The following GRB10 variants were observed in gnomAD, a reference collection of about 807,000 sequenced individuals.
GRB10 encodes growth factor receptor-bound protein 10.
A neutral mutation model predicts 80.9 loss-of-function variants in GRB10; 20 were observed. The ratio of observed to expected loss-of-function variants is 0.25; its 90% CI spans 0.17 to 0.36. GRB10 has a LOEUF of 0.36. GRB10 is among the 10% of genes least tolerant of loss of function. The pLI, the probability that GRB10 is intolerant of heterozygous loss-of-function variation, is 1.00. For missense variants in GRB10, 548 were observed against 747.7 expected (o/e 0.73, Z 3.12); for synonymous variants, 291 against 291.5 (o/e 1.00, Z 0.02).
At chr7:50,642,812 GT>G (rs2056511353) in intron 7 of GRB10, among the ~76,000 whole-genome samples, 1 of 152,144 alleles carries the variant, frequency 6.6e-6, no homozygotes, top group African/African-American at 2.4e-5. Flanking sequence ...TAAATATAAT[GT>G]GTTCATTGTA....
intron 6 of GRB10, among the ~76,000 whole-genome samples, chr7:50,672,552 C>T (rs1232533414): frequency 6.6e-6 from 1 of 152,164 alleles, no homozygotes; most frequent in Non-Finnish European, 1.5e-5. Flanking sequence ...GCCCAAGGAA[C>T]AGCACCTGTG....
chr7:50,639,127 T>A (rs1436275586), intron 7 of GRB10, among the ~76,000 whole-genome samples: 11 of 152,132 alleles, frequency 7.2e-5, no homozygotes, highest in Admixed American at 7.2e-4. Flanking sequence ...GTTTTAGAAA[T>A]TACCTGTTGG....
intron 5 of GRB10, among the ~76,000 whole-genome samples, chr7:50,686,192 G>T (rs2153653922): frequency 6.6e-6 from 1 of 152,244 alleles, no homozygotes; most frequent in African/African-American, 2.4e-5. Flanking sequence ...GGTCATTGGG[G>T]TAGAACCCAA....
chr7:50,609,563 T>C (rs943769748), intron 13 of GRB10, among the ~76,000 whole-genome samples: 1 of 152,192 alleles, frequency 6.6e-6, no homozygotes, highest in Non-Finnish European at 1.5e-5. Context: ...TAATAAATAA[T>C]TGTTGCAAAG....
intron 10 of GRB10, among the ~76,000 whole-genome samples, chr7:50,616,839 T>G (rs1464565759): frequency 1.3e-5 from 2 of 152,186 alleles, no homozygotes; most frequent in Non-Finnish European, 2.9e-5. Context: ...CAGGCAGCCT[T>G]AAGAATAAAG....
chr7:50,767,263 T>C (rs1163556799), intron 2 of GRB10, among the ~76,000 whole-genome samples: 4 of 152,186 alleles, frequency 2.6e-5, no homozygotes, highest in Non-Finnish European at 5.9e-5. Context: ...AGTACCAGAC[T>C]GCCGGCCCCT....
intron 7 of GRB10, among the ~76,000 whole-genome samples, chr7:50,648,553 T>C (rs1455911641): frequency 1.3e-5 from 2 of 152,200 alleles, no homozygotes; most frequent in African/African-American, 4.8e-5. Flanking sequence ...TCCTCAGTTT[T>C]GCCTTTGGGA....
At chr7:50,770,404 A>T (rs995268256) in intron 2 of GRB10, among the ~76,000 whole-genome samples, 1 of 152,186 alleles carries the variant, frequency 6.6e-6, no homozygotes, top group African/African-American at 2.4e-5. Flanking sequence ...GTGGTTCCCA[A>T]GCATCTATCT....
At chr7:50,681,553 T>C (rs1318254769) in intron 5 of GRB10, among the ~76,000 whole-genome samples, 1 of 152,214 alleles carries the variant, frequency 6.6e-6, no homozygotes, top group East Asian at 1.9e-4. Flanking sequence ...CATATCTCCC[T>C]TGTGGAAGGA....
rs558603553 is a variant in GRB10, at chr7:50,745,670, T to C, written c.-47+10217A>G. 3.9e-5 allele frequency among the ~76,000 whole-genome samples: 6 copies of C among 152,364 alleles called. No individual in the cohort carries two copies. The South Asian group carries it at 1.0e-3, about 26-fold the overall frequency. The stretch of plus-strand genomic sequence containing the variant: ...AGAACTTTATCCGAAAAATAAAAGA[T>C]GCTCTATAAAACAGCCCTTGGATTT... On this transcript the variant is annotated intron_variant, in intron 3 of 18. Coordinates refer to ENST00000401949, the MANE Select transcript of GRB10 (RefSeq NM_001350814.2).
At chr7:50,684,267 C>CAAAAAAAAAAAAAAAAAAA (rs386410128) in intron 5 of GRB10, among the ~76,000 whole-genome samples, 1 of 62,300 alleles carries the variant, frequency 1.6e-5, no homozygotes, top group Non-Finnish European at 2.7e-5. Context: ...CAATCATCAC[C>CAAAAAAAAAAAAAAAAAAA]AAAAAAAAAA....
chr7:50,640,655 A>G (rs1470443986), intron 7 of GRB10, among the ~76,000 whole-genome samples: 2 of 152,238 alleles, frequency 1.3e-5, no homozygotes, highest in Non-Finnish European at 2.9e-5. Flanking sequence ...GAGGAGAGCC[A>G]GCATTCTCTC....
upstream of GRB10, among the ~76,000 whole-genome samples, chr7:50,786,606 T>C (rs1390399961): frequency 6.6e-6 from 1 of 152,250 alleles, no homozygotes; most frequent in Admixed American, 6.5e-5. Flanking sequence ...CTAAATGTTT[T>C]AGGGAAAACT....
Position 50,703,607 on chromosome 7 carries a change from C to T in GRB10, c.139+214G>A, listed in dbSNP as rs79693613. On this transcript the variant is annotated intron_variant, in intron 5 of 18. Coordinates refer to ENST00000401949, the MANE Select transcript of GRB10 (RefSeq NM_001350814.2). ...GTATGAAACTGATCGTGAAGTTTTGCTCACTGAAGTTTGCTAATTGAAAGG... is the reference window on the plus strand; with the variant it reads ...GTATGAAACTGATCGTGAAGTTTTGTTCACTGAAGTTTGCTAATTGAAAGG... 8.5e-3 allele frequency among the ~76,000 whole-genome samples: 1,294 copies of T among 152,284 alleles called. 11 individuals are homozygous for T. Among genetic ancestry groups the T allele is most frequent in the Non-Finnish European group, 0.013 (875 of 68,026 alleles).
rs913280763 is a variant in GRB10, at chr7:50,595,560, A to T, written c.1545-30T>A. The T allele has an allele frequency of 8.3e-6, 10 of 1,199,406 alleles. No homozygotes were observed. In the Admixed American group the frequency reaches 1.2e-4, roughly 14 times the overall value. 74.3% of individuals were successfully genotyped at this position (1,199,406 alleles called of 1,614,324 possible). On this transcript the variant is annotated intron_variant, in intron 17 of 18. Transcript: ENST00000401949. ...GGAAGGGAAAATAGTTGATTGCTAA[A>T]ATATTTTAAAATCTGGAACTAATCA...
chr7:50,756,573 G>A (rs1030601893), intron 2 of GRB10, among the ~76,000 whole-genome samples: 1 of 152,236 alleles, frequency 6.6e-6, no homozygotes, highest in Non-Finnish European at 1.5e-5. Flanking sequence ...GGGGTGCAGA[G>A]CAGGCAGACC....
chr7:50,692,394 G>A (rs1457704431), intron 5 of GRB10, among the ~76,000 whole-genome samples: 1 of 152,092 alleles, frequency 6.6e-6, no homozygotes, highest in Non-Finnish European at 1.5e-5. Context: ...GGACATTAGA[G>A]GAATCATGAC....
chr7:50,617,240 A>C (rs539938762), intron 10 of GRB10, among the ~76,000 whole-genome samples: 11 of 152,242 alleles, frequency 7.2e-5, no homozygotes, highest in Non-Finnish European at 1.5e-4. Context: ...CAGAGCTCTG[A>C]AACTCTTATC....
At position 50,674,619 on chromosome 7, in the gene GRB10, T is replaced by G. The variant is rs868508118; in HGVS notation, c.179A>C (p.Asn60Thr). ...CGAGTACAGGCTCTCCAGGGATGCA[T>G]TCATATCGTTCACCAGGGCTTCCAG... is the stretch of plus-strand genomic sequence containing the variant. Reference protein sequence around the residue: ...VDLEALVNDMNASLESLYSAC... With the variant: ...VDLEALVNDMTASLESLYSAC... The change falls in exon 6 of 19, where the codon AAT becomes ACT. Residue 60 changes from asparagine to threonine, a missense_variant. Around this residue, in one of 4 missense-constraint regions of GRB10, gnomAD observed 245 missense variants for 229.3 expected, o/e 1.07. Transcript: ENST00000401949. The G allele has an allele frequency of 6.2e-7, 1 of 1,613,862 alleles. No homozygotes were observed. The highest frequency in any genetic ancestry group is 8.5e-7 in the Non-Finnish European group (1 of 1,180,038).
Sources: allele counts gnomAD v4.1 joint callset (sites outside exome capture counted in the v4.1 genomes callset), GRCh38; gene constraint gnomAD v4.1.1; regional missense constraint gnomAD v4.1.1; transcripts MANE v1.5; gene names NCBI Gene and HGNC (gene_info 2026-07-23, HGNC 2026-07-21).